The following MGAT4A variants were observed in gnomAD, a reference collection of about 807,000 sequenced individuals.
The protein encoded by MGAT4A is N-acetylglucosaminyltransferase IVa.
MGAT4A carries 33 observed loss-of-function variants against 74.1 expected under a neutral mutation model. That is an observed-to-expected ratio of 0.45 (90% CI 0.34 to 0.60). The LOEUF (loss-of-function observed/expected upper bound fraction) is 0.60. Ranked by LOEUF, MGAT4A falls within the 20% of genes least tolerant of loss-of-function variation. The pLI is 0.02. For synonymous variants in MGAT4A, 198 were observed against 210.4 expected, an observed-to-expected ratio of 0.94 and a Z score of 0.51; for missense variants, 479 against 628.3, an observed-to-expected ratio of 0.76 and a Z score of 2.54.
In MGAT4A at chr2:98,728,331, C is replaced by G. The variant is rs561562650; in HGVS notation, c.-235-1764G>C. Among the ~76,000 whole-genome samples the G allele has an allele frequency of 2.0e-5, 3 of 152,338 alleles. No homozygotes were observed. The East Asian group carries it at 5.8e-4, about 29-fold the overall frequency. ...CCTAACCTCTTTTACTACCTGAACA[C>G]AAAGAGATCTAAAAATATTCTCATG... On this transcript the variant is annotated intron_variant, in intron 1 of 15. Coordinates refer to ENST00000393487, the MANE Select transcript of MGAT4A (RefSeq NM_012214.3).
chr2:98,685,993 G>C (rs979625321), intron 2 of MGAT4A, among the ~76,000 whole-genome samples: 2 of 152,156 alleles, frequency 1.3e-5, no homozygotes, highest in African/African-American at 4.8e-5. Flanking sequence ...TGGCCCACAG[G>C]TTAAGGGTTC....
At chr2:98,675,298 T>C in intron 3 of MGAT4A, 123 bp from the exon 4 acceptor site, 2 of 659,078 alleles carry the variant, frequency 3.0e-6, no homozygotes, top group Admixed American at 3.4e-5. Context: ...AGTTTCACAC[T>C]CTGGTGAATG....
chr2:98,625,237 T>C lies in MGAT4A; in HGVS notation c.*329A>G. The C allele has an allele frequency of 1.1e-6, 1 of 918,300 alleles. No individual in the cohort carries two copies. The highest frequency in any genetic ancestry group is 1.3e-6 in the Non-Finnish European group (1 of 760,480). The allele number at this position is 918,300 out of a possible 1,614,324, so 56.9% of individuals were successfully genotyped here. Reference sequence around the variant, plus strand: ...CCTCAAAAGTACCCCCTTCATAAAATGTATGTAACATTAGTTTTTCTCAAA... The same window carrying C: ...CCTCAAAAGTACCCCCTTCATAAAACGTATGTAACATTAGTTTTTCTCAAA... On this transcript the variant is annotated 3_prime_UTR_variant, in exon 16 of 16. Transcript: ENST00000393487.
chr2:98,635,979 C>T (rs951672624), intron 13 of MGAT4A, among the ~76,000 whole-genome samples: 2 of 119,646 alleles, frequency 1.7e-5, no homozygotes, highest in African/African-American at 6.8e-5. Context: ...GAGCGAGACT[C>T]TGTCTCAAAA....
In MGAT4A at chr2:98,639,813, T is replaced by C; in HGVS notation, c.1317A>G (p.Val439=). 6.2e-7 allele frequency: 1 copy of C among 1,608,608 alleles called. No individual in the cohort carries two copies. The highest frequency in any genetic ancestry group is 1.1e-5 in the South Asian group (1 of 90,662). The change falls in exon 12 of 16, where the codon GTA becomes GTG. Residue 439 remains valine, a synonymous_variant. Coordinates refer to ENST00000393487, the MANE Select transcript of MGAT4A (RefSeq NM_012214.3). ...ILFKFDKPVN[V]ESYLFHSGNQ... is the part of the protein sequence containing the mutation. ...ACATTTCAATAATCACCAACCTTTC[T>C]ACATTGACTGGTTTATCAAATTTAA...
At chr2:98,660,319 A>G (rs1221161463) in intron 5 of MGAT4A, among the ~76,000 whole-genome samples, 1 of 151,898 alleles carries the variant, frequency 6.6e-6, no homozygotes, top group Non-Finnish European at 1.5e-5. Context: ...TACAGATTCA[A>G]TGTAATCCCT....
intron 1 of MGAT4A, among the ~76,000 whole-genome samples, chr2:98,729,469 T>C (rs981588865): frequency 6.6e-6 from 1 of 152,178 alleles, no homozygotes; most frequent in African/African-American, 2.4e-5. Context: ...TGTCCACATT[T>C]GCAAAAATTT....
chr2:98,650,929 C>A (rs545167712), intron 8 of MGAT4A, among the ~76,000 whole-genome samples: 3 of 151,764 alleles, frequency 2.0e-5, no homozygotes, highest in Non-Finnish European at 4.4e-5. Flanking sequence ...GCCTGGGCGA[C>A]AGAGCAAGAC....
rs1701117271 is a variant in MGAT4A, at chr2:98,624,625, A to C, written c.*941T>G. The C allele has an allele frequency of 7.1e-6, 7 of 984,932 alleles. No individual in the cohort carries two copies. Among genetic ancestry groups the C allele is most frequent in the Non-Finnish European group, 8.4e-6 (7 of 829,418 alleles). The allele number at this position is 984,932 out of a possible 1,614,324, so 61.0% of individuals were successfully genotyped here. On this transcript the variant is annotated 3_prime_UTR_variant, in exon 16 of 16. Coordinates refer to ENST00000393487, the MANE Select transcript of MGAT4A (RefSeq NM_012214.3). Reference sequence around the variant, plus strand: ...CATAAAATGAGTGCAGATATAAAAGAATCAACAGCAGATAATGCACCTAAT... The same window carrying C: ...CATAAAATGAGTGCAGATATAAAAGCATCAACAGCAGATAATGCACCTAAT...
intron 2 of MGAT4A, among the ~76,000 whole-genome samples, chr2:98,685,524 A>G (rs185602494): frequency 2.6e-5 from 4 of 152,266 alleles, no homozygotes; most frequent in Admixed American, 2.6e-4. Flanking sequence ...AAACCTCTTA[A>G]GCATAAAGAA....
Position 98,726,418 on chromosome 2 carries a change from C to A in MGAT4A, c.-86G>T. The stretch of plus-strand genomic sequence containing the variant: ...TTTTACCCTGAAAGTCAACTGAATG[C>A]AGTACTCCTGGCTCTAGGCCAATAA... On this transcript the variant is annotated 5_prime_UTR_variant, in exon 2 of 16. Coordinates refer to ENST00000393487, the MANE Select transcript of MGAT4A (RefSeq NM_012214.3). 9.2e-7 allele frequency: 1 copy of A among 1,086,836 alleles called. No individual in the cohort carries two copies. The highest frequency in any genetic ancestry group is 1.4e-6 in the Non-Finnish European group (1 of 734,142). The allele number at this position is 1,086,836 out of a possible 1,614,324, so 67.3% of individuals were successfully genotyped here.
At chr2:98,687,706 G>C (rs770166859) in intron 2 of MGAT4A, among the ~76,000 whole-genome samples, 4 of 147,458 alleles carry the variant, frequency 2.7e-5, no homozygotes, top group Non-Finnish European at 6.0e-5. Flanking sequence ...CTTTTTCTTT[G>C]TTTCAAATTA....
intron 4 of MGAT4A, among the ~76,000 whole-genome samples, chr2:98,671,588 G>T (rs543499422): frequency 1.3e-5 from 2 of 152,122 alleles, no homozygotes; most frequent in East Asian, 3.9e-4. Context: ...TCCACCACAG[G>T]ACTTTTGTGG....
intron 2 of MGAT4A, among the ~76,000 whole-genome samples, chr2:98,721,031 G>C (rs186488855): frequency 6.6e-5 from 10 of 152,268 alleles, no homozygotes; most frequent in African/African-American, 1.9e-4. Flanking sequence ...AGAAAATCTT[G>C]AAAGCTGCAA....
At chr2:98,697,692 G>A (rs145991888) in intron 2 of MGAT4A, among the ~76,000 whole-genome samples, 1 of 152,250 alleles carries the variant, frequency 6.6e-6, no homozygotes, top group African/African-American at 2.4e-5. Context: ...AAGCAAAGCA[G>A]AAAAGAACCA....
At chr2:98,726,185 C>T in intron 2 of MGAT4A, 54 bp downstream of exon 2, 3 of 1,460,466 alleles carry the variant, frequency 2.1e-6, no homozygotes, top group Non-Finnish European at 2.9e-6. Flanking sequence ...GGCACCTTAA[C>T]CAAGCAAAAA....
rs1338001576 is a variant in MGAT4A at position 98,726,580 on chromosome 2, A to G, written c.-235-13T>C. 4.9e-6 allele frequency: 2 copies of G among 410,866 alleles called. No homozygotes were observed. The highest frequency in any genetic ancestry group is 8.6e-6 in the Non-Finnish European group (2 of 232,904). 25.5% of individuals were successfully genotyped at this position (410,866 alleles called of 1,614,324 possible). A position where few individuals can be genotyped will look rare whatever the true frequency, so the allele number is the denominator to read the frequency against. ...GCCTTTTCCCTTCCTATTCAGGGGA[A>G]AAGAGAAAGTCAAGCTCATTCGGTA... On this transcript the variant is annotated splice_polypyrimidine_tract_variant and intron_variant, in intron 1 of 15. Transcript: ENST00000393487.
In MGAT4A at chr2:98,623,467, T is replaced by C; in HGVS notation, c.*2099A>G. The C allele has an allele frequency of 1.6e-5, 16 of 985,452 alleles. No individual in the cohort carries two copies. The highest frequency in any genetic ancestry group is 4.7e-5 in the South Asian group (1 of 21,288). The allele number at this position is 985,452 out of a possible 1,614,324, so 61.0% of individuals were successfully genotyped here. Reference sequence around the variant, plus strand: ...GATTTTTACTTCTGGTACTCAGTTATCTTTGCAGTAATTTAGTATACCAAG... The same window carrying C: ...GATTTTTACTTCTGGTACTCAGTTACCTTTGCAGTAATTTAGTATACCAAG... On this transcript the variant is annotated 3_prime_UTR_variant, in exon 16 of 16. Coordinates refer to ENST00000393487, the MANE Select transcript of MGAT4A (RefSeq NM_012214.3).
In MGAT4A at chr2:98,640,226, T is replaced by C; in HGVS notation, c.1023A>G (p.Lys341=). 2.5e-6 allele frequency: 4 copies of C among 1,605,474 alleles called. No homozygotes were observed. Among genetic ancestry groups the C allele is most frequent in the Non-Finnish European group, 3.4e-6 (4 of 1,176,568 alleles). ...VKVCNPEKDA[K]HCDRQKANLR... The stretch of plus-strand genomic sequence containing the variant: ...GATTTGCTTTCTGTCTATCACAATG[T>C]TTCTAAATATTAAAAAAAATCACGT... The change falls in exon 11 of 16, where the codon AAA becomes AAG. Residue 341 remains lysine, a splice_region_variant and synonymous_variant. Transcript: ENST00000393487.
Sources: allele counts gnomAD v4.1 joint callset (sites outside exome capture counted in the v4.1 genomes callset), GRCh38; gene constraint gnomAD v4.1.1; transcripts MANE v1.5; gene names NCBI Gene and HGNC (gene_info 2026-07-23, HGNC 2026-07-21).